Variants in TMEM33 observed in about 807,000 individuals in gnomAD.
TMEM33 encodes the protein transmembrane protein 33.
TMEM33 carries 16 observed loss-of-function variants against 29.7 expected under a neutral mutation model. That is an observed-to-expected ratio of 0.54 (90% CI 0.36 to 0.82). TMEM33 has a LOEUF of 0.82. Among genes scored for constraint, TMEM33 ranks in the 40% least tolerant of loss-of-function variants. TMEM33 has a pLI of 0.00. For missense variants in TMEM33, 252 were observed against 295.3 expected, an observed-to-expected ratio of 0.85 and a Z score of 1.08; for synonymous variants, 112 against 109.4, an observed-to-expected ratio of 1.02 and a Z score of -0.15.
At chr4:41,935,164 C>T (rs1211778160), upstream of TMEM33, 3 of 465,534 alleles carry the variant, frequency 6.4e-6, no homozygotes, top group African/African-American at 6.1e-5. Context: ...TAACCTGGAG[C>T]CGGCGGCGTA....
In TMEM33 at chr4:41,935,469, G is replaced by C. The variant is rs1712177400; in HGVS notation, c.-16G>C. On this transcript the variant is annotated 5_prime_UTR_variant, in exon 1 of 7. Coordinates refer to ENST00000504986, the MANE Select transcript of TMEM33 (RefSeq NM_018126.3). ...TCTTCGCGGTTGCGGCGTCGCAGAC[G>C]CTAGTGTGAGCCCCCATGGCAGATA... 2.5e-6 allele frequency: 4 copies of C among 1,605,628 alleles called. No homozygotes were observed. Among genetic ancestry groups the C allele is most frequent in the Non-Finnish European group, 2.6e-6 (3 of 1,176,072 alleles).
intron 3 of TMEM33, among the ~76,000 whole-genome samples, chr4:41,943,386 G>A (rs895072604): frequency 2.0e-4 from 30 of 152,122 alleles, no homozygotes; most frequent in Admixed American, 1.2e-3. Flanking sequence ...TTAGCTGGGC[G>A]TGGTGGCAGG....
intron 3 of TMEM33, among the ~76,000 whole-genome samples, chr4:41,942,274 A>G (rs1328624380): frequency 2.0e-5 from 3 of 152,244 alleles, no homozygotes; most frequent in African/African-American, 7.2e-5. Flanking sequence ...AAAACTTTTT[A>G]TATACATATA....
Position 41,958,624 on chromosome 4 carries a change from G to A in TMEM33, c.*4425G>A, listed in dbSNP as rs889875383. 6.8e-6 allele frequency: 1 copy of A among 147,706 alleles called. No homozygotes were observed. The highest frequency in any genetic ancestry group is 1.5e-5 in the Non-Finnish European group (1 of 66,992). 9.1% of individuals were successfully genotyped at this position (147,706 alleles called of 1,614,324 possible). ...GTAATATAAAAGCATATTGAAATTT[G>A]TAGATATTATATGAGGAATGGCACC... On this transcript the variant is annotated 3_prime_UTR_variant, in exon 7 of 7. Coordinates refer to ENST00000504986, the MANE Select transcript of TMEM33 (RefSeq NM_018126.3).
chr4:41,943,829 T>A lies in TMEM33; in HGVS notation c.396+15T>A. 1.2e-6 allele frequency: 2 copies of A among 1,610,568 alleles called. No homozygotes were observed. Among genetic ancestry groups the A allele is most frequent in the Non-Finnish European group, 1.7e-6 (2 of 1,177,168 alleles). ...AGGTCCTTGACGTAAGTAAAACTGC[T>A]CTTTGTCTGACTTCTGAATTACAGA... On this transcript the variant is annotated intron_variant, in intron 4 of 6. Coordinates refer to ENST00000504986, the MANE Select transcript of TMEM33 (RefSeq NM_018126.3).
intron 6 of TMEM33, 76 bp downstream of exon 6, chr4:41,949,461 AG>A: frequency 8.3e-7 from 1 of 1,203,082 alleles, no homozygotes; most frequent in Non-Finnish European, 1.2e-6. Context: ...AATTCTTAAG[AG>A]TTACTTAGCT....
chr4:41,946,617 C>G (rs1469559529), intron 5 of TMEM33, among the ~76,000 whole-genome samples: 2 of 152,108 alleles, frequency 1.3e-5, no homozygotes, highest in Admixed American at 1.3e-4. Flanking sequence ...ACTCTAAAAC[C>G]TTGACCCTAA....
At position 41,954,161 on chromosome 4, in the gene TMEM33, A is replaced by G. The variant is rs1560520288; in HGVS notation, c.706A>G (p.Ile236Val). Residue 236 changes from isoleucine (I) to valine (V), a missense_variant, in exon 7 of 7, where the codon ATT becomes GTT. Ile to Val is a conservative substitution (Grantham distance 29, BLOSUM62 3). Coordinates refer to ENST00000504986, the MANE Select transcript of TMEM33 (RefSeq NM_018126.3). ...TGTGAGAAGACTTTGTCTCCAGAGC[A>G]TTGCCTTTATAAGCAGATTGGCACC... ...LFVRRLCLQS[I>V]AFISRLAPTV... 7 of 1,613,948 alleles carry G rather than the reference A, an allele frequency of 4.3e-6. No individual in the cohort carries two copies. The highest frequency in any genetic ancestry group is 5.9e-6 in the Non-Finnish European group (7 of 1,179,834).
At chr4:41,949,051 A>G (rs1363396203) in intron 5 of TMEM33, among the ~76,000 whole-genome samples, 4 of 152,134 alleles carry the variant, frequency 2.6e-5, no homozygotes. Context: ...TAGTATTTTA[A>G]AAAATTTCAA....
rs1560522125 is a variant in TMEM33, at chr4:41,958,698, C to CTTTTTTTTT, written c.*4500_*4501insTTTTTTTTT. On this transcript the variant is annotated 3_prime_UTR_variant, in exon 7 of 7. Transcript: ENST00000504986. ...TTGTAGAGACAACTAGTTTCTCTCG[C>CTTTTTTTTT]TCTTTTTTTTTTTTTTTTTTTTTTT... is the stretch of plus-strand genomic sequence containing the variant. 1 of 132,476 alleles carries CTTTTTTTTT rather than the reference C, an allele frequency of 7.5e-6. No homozygotes were observed. Among genetic ancestry groups the CTTTTTTTTT allele is most frequent in the African/African-American group, 3.1e-5 (1 of 31,816 alleles). The allele number at this position is 132,476 out of a possible 1,614,324, so 8.2% of individuals were successfully genotyped here.
intron 3 of TMEM33, among the ~76,000 whole-genome samples, chr4:41,940,046 C>CCTTTTTTTT (rs1553910603): frequency 0.011 from 907 of 81,440 alleles, 24 homozygotes; most frequent in Non-Finnish European, 0.015. Flanking sequence ...GTTAAACTTT[C>CCTTTTTTTT]TTTTTTTTTT....
At chr4:41,948,435 G>T (rs1180721339) in intron 5 of TMEM33, among the ~76,000 whole-genome samples, 1 of 151,770 alleles carries the variant, frequency 6.6e-6, no homozygotes, top group Non-Finnish European at 1.5e-5. Context: ...TGTTGCATTT[G>T]TTTAGTGGTA....
intron 6 of TMEM33, 21 bp from the exon 7 acceptor site, chr4:41,954,045 CAAAG>C: frequency 6.2e-7 from 1 of 1,609,564 alleles, no homozygotes; most frequent in Non-Finnish European, 8.5e-7. Context: ...TTGTGTTTCT[CAAAG>C]AAAACTATTT....
At chr4:41,941,586 T>G (rs563401537) in intron 3 of TMEM33, among the ~76,000 whole-genome samples, 2 of 152,228 alleles carry the variant, frequency 1.3e-5, no homozygotes, top group Non-Finnish European at 1.5e-5. Context: ...CCTTTCTGCC[T>G]TTTTATACAG....
At chr4:41,944,389 C>T (rs1290652541) in intron 4 of TMEM33, among the ~76,000 whole-genome samples, 2 of 152,026 alleles carry the variant, frequency 1.3e-5, no homozygotes, top group Non-Finnish European at 2.9e-5. Context: ...TTTCTTTATC[C>T]CTATAATTCT....
rs751905788 is a variant in TMEM33 at position 41,943,749 on chromosome 4, A to G, written c.331A>G (p.Ser111Gly). 1 of 1,613,554 alleles carries G rather than the reference A, an allele frequency of 6.2e-7. No homozygotes were observed. The highest frequency in any genetic ancestry group is 8.5e-7 in the Non-Finnish European group (1 of 1,179,742). Residue 111 changes from serine (S) to glycine (G), a missense_variant and splice_region_variant, in exon 4 of 7, where the codon AGT (serine) becomes GGT (glycine). Ser to Gly is a moderately conservative substitution (Grantham distance 56). Transcript: ENST00000504986. ...TTTTCCTTAATTGTTTTCTTTAGTG[A>G]GTATCTTCCCAGTCTTGTTATTCTC... ...IFVNSYPVTM[S>G]IFPVLLFSLL...
Position 41,960,323 on chromosome 4 carries a change from CA to C in TMEM33, c.*6125del, listed in dbSNP as rs1197555831. On this transcript the variant is annotated 3_prime_UTR_variant, in exon 7 of 7. Transcript: ENST00000504986. Reference sequence around the variant, plus strand: ...TATTTGTTTTGTGTTCTGCTTAAATCAGCAAGAATGATAAATTTGATGGTGT... The same window carrying C: ...TATTTGTTTTGTGTTCTGCTTAAATCGCAAGAATGATAAATTTGATGGTGT... 10 of 152,146 alleles carry C rather than the reference CA, an allele frequency of 6.6e-5. No individual in the cohort carries two copies. Among genetic ancestry groups the C allele is most frequent in the Non-Finnish European group, 1.5e-4 (10 of 67,988 alleles). 9.4% of individuals were successfully genotyped at this position (152,146 alleles called of 1,614,324 possible).
intron 5 of TMEM33, among the ~76,000 whole-genome samples, chr4:41,947,235 A>C (rs1712836649): frequency 9.0e-6 from 1 of 110,942 alleles, no homozygotes; most frequent in South Asian, 2.7e-4. Context: ...ACTCCCTCTC[A>C]AAAAAAAAAA....
chr4:41,939,871 A>G (rs993710980), intron 3 of TMEM33: 4 of 436,244 alleles, frequency 9.2e-6, no homozygotes, highest in South Asian at 6.5e-5. Flanking sequence ...TTTGCTGTGT[A>G]TAGAGTAGAA....
Sources: gnomAD v4.1 joint callset for allele counts (sites outside exome capture counted in the v4.1 genomes callset) on GRCh38, gnomAD v4.1.1 for gene constraint, MANE v1.5 for transcripts, NCBI Gene and HGNC (gene_info 2026-07-23, HGNC 2026-07-21) for gene names.